Variants in SNTG1 observed in about 807,000 individuals in gnomAD.
SNTG1 encodes gamma-1-syntrophin.
SNTG1 carries 39 observed loss-of-function variants against 74.7 expected under a neutral mutation model. That is an observed-to-expected ratio of 0.52 (90% CI 0.40 to 0.68). The LOEUF is 0.68. Ranked by LOEUF, SNTG1 falls within the 30% of genes least tolerant of loss-of-function variation. The probability of loss-of-function intolerance (pLI) is 0.00; values close to 1 mark genes in which losing one functional copy is unlikely to be tolerated. For synonymous variants in SNTG1, 254 were observed against 217.1 expected, an observed-to-expected ratio of 1.17 and a Z score of -1.49; for missense variants, 685 against 609.5, an observed-to-expected ratio of 1.12 and a Z score of -1.30.
At chr8:50,316,474 G>A (rs1466821715) in intron 2 of SNTG1, among the ~76,000 whole-genome samples, 1 of 152,112 alleles carries the variant, frequency 6.6e-6, no homozygotes, top group East Asian at 1.9e-4. Flanking sequence ...AGTACTGCAA[G>A]TTATTGAAAC....
chr8:50,301,862 GTTTTT>G lies in SNTG1; in HGVS notation c.-27-92342_-27-92338del, dbSNP rs549672864. On this transcript the variant is annotated intron_variant, in intron 2 of 18. Transcript: ENST00000642720. ...TTTTTGTTTTCTGTTTTTGTTTTTT[GTTTTT>G]TTTTTTTGAGACAGAGTCTCGCTCT... 1.7e-4 allele frequency among the ~76,000 whole-genome samples: 18 copies of G among 105,164 alleles called. No individual in the cohort carries two copies. The East Asian group carries it at 6.6e-3, about 39-fold the overall frequency. The allele number at this position is 105,164 out of a possible 152,430, so 69.0% of individuals were successfully genotyped here. A position where few individuals can be genotyped will look rare whatever the true frequency, so the allele number is the denominator to read the frequency against.
intron 1 of SNTG1, among the ~76,000 whole-genome samples, chr8:49,960,221 A>G (rs1306177417): frequency 6.6e-6 from 1 of 152,212 alleles, no homozygotes; most frequent in Non-Finnish European, 1.5e-5. Context: ...GTGTGTATGC[A>G]GTGATTTGTT....
At chr8:50,019,134 T>C (rs1389694456) in intron 1 of SNTG1, among the ~76,000 whole-genome samples, 1 of 151,942 alleles carries the variant, frequency 6.6e-6, no homozygotes, top group Non-Finnish European at 1.5e-5. Flanking sequence ...ATGAGAAAGG[T>C]CCCAAAATTC....
chr8:50,734,748 TATAG>T (rs2095521873), intron 17 of SNTG1, among the ~76,000 whole-genome samples: 3 of 84,026 alleles, frequency 3.6e-5, no homozygotes, highest in Non-Finnish European at 6.6e-5. Flanking sequence ...TGGACATGTA[TATAG>T]ATATCTATAT....
intron 15 of SNTG1, among the ~76,000 whole-genome samples, chr8:50,691,190 G>C (rs906409497): frequency 3.3e-5 from 5 of 152,132 alleles, no homozygotes; most frequent in African/African-American, 9.7e-5. Context: ...GGTGGGTCTT[G>C]ACTCTTTATC....
intron 12 of SNTG1, among the ~76,000 whole-genome samples, chr8:50,589,535 T>C (rs1176170263): frequency 6.6e-6 from 1 of 152,002 alleles, no homozygotes; most frequent in Admixed American, 6.6e-5. Flanking sequence ...AAGTGTTTAC[T>C]TTCATAGCTG....
intron 1 of SNTG1, among the ~76,000 whole-genome samples, chr8:49,956,738 G>A (rs1001079530): frequency 2.6e-5 from 4 of 151,470 alleles, no homozygotes; most frequent in Non-Finnish European, 5.9e-5. Flanking sequence ...ACATATCCTG[G>A]ACCCACTGAT....
intron 1 of SNTG1, among the ~76,000 whole-genome samples, chr8:50,166,115 T>C (rs1321699687): frequency 5.0e-5 from 4 of 79,648 alleles, no homozygotes; most frequent in Non-Finnish European, 9.9e-5. Flanking sequence ...TATACAAAAA[T>C]CAATTCAAGA....
At chr8:50,402,391 T>G (rs752973695) in intron 4 of SNTG1, 47 bp downstream of exon 4, 1 of 1,553,646 alleles carries the variant, frequency 6.4e-7, no homozygotes, top group Non-Finnish European at 8.7e-7. Flanking sequence ...TTGTTTTTTG[T>G]TAATAAAAAT....
intron 1 of SNTG1, among the ~76,000 whole-genome samples, chr8:50,013,533 A>G (rs566196292): frequency 1.6e-3 from 243 of 151,942 alleles, no homozygotes; most frequent in African/African-American, 5.7e-3. Context: ...GCACATATAT[A>G]CATATATATA....
chr8:49,934,934 A>G (rs574298684), intron 1 of SNTG1, among the ~76,000 whole-genome samples: 12 of 152,244 alleles, frequency 7.9e-5, no homozygotes, highest in Admixed American at 7.9e-4. Flanking sequence ...TGTGAGGGAA[A>G]AATGTTAAAC....
intron 2 of SNTG1, among the ~76,000 whole-genome samples, chr8:50,356,820 T>C (rs1230166987): frequency 6.6e-6 from 1 of 152,172 alleles, no homozygotes; most frequent in Non-Finnish European, 1.5e-5. Context: ...TTTTTTAGTC[T>C]GATTCTTTAT....
intron 2 of SNTG1, among the ~76,000 whole-genome samples, chr8:50,297,225 G>A (rs2089427379): frequency 6.6e-6 from 1 of 152,136 alleles, no homozygotes; most frequent in Non-Finnish European, 1.5e-5. Context: ...ATGCCAGAAA[G>A]CATAGATAGT....
At chr8:49,926,891 C>T (rs554210577) in intron 1 of SNTG1, among the ~76,000 whole-genome samples, 4 of 152,050 alleles carry the variant, frequency 2.6e-5, no homozygotes, top group Non-Finnish European at 5.9e-5. Context: ...TCAAGCCCAA[C>T]AATAGGAAAA....
chr8:50,077,585 T>C (rs1822008283), intron 1 of SNTG1, among the ~76,000 whole-genome samples: 1 of 152,200 alleles, frequency 6.6e-6, no homozygotes, highest in Non-Finnish European at 1.5e-5. Flanking sequence ...CTATAATTTG[T>C]GTAAGATAAA....
rs374945656 is a variant in SNTG1, at chr8:50,368,050, G to A, written c.-27-26162G>A. ...AAAGGCAATTCTGGTAAGGGATCGG[G>A]AGGAAAAGAGGAGAGCTGTAGAGAG... On this transcript the variant is annotated intron_variant, in intron 2 of 18. Coordinates refer to ENST00000642720, the MANE Select transcript of SNTG1 (RefSeq NM_018967.5). Among the ~76,000 whole-genome samples, 3 of 152,250 alleles carry A rather than the reference G, an allele frequency of 2.0e-5. 1 individual carries two copies. Among genetic ancestry groups the A allele is most frequent in the African/African-American group, 7.2e-5 (3 of 41,554 alleles).
intron 2 of SNTG1, among the ~76,000 whole-genome samples, chr8:50,321,643 T>C (rs2090534441): frequency 6.6e-6 from 1 of 152,138 alleles, no homozygotes; most frequent in Non-Finnish European, 1.5e-5. Flanking sequence ...TGACTTTCTC[T>C]GGTAGCTTGA....
intron 8 of SNTG1, among the ~76,000 whole-genome samples, chr8:50,481,360 G>A (rs1025613597): frequency 4.6e-5 from 7 of 152,138 alleles, no homozygotes; most frequent in African/African-American, 1.4e-4. Flanking sequence ...CAGCATGGGC[G>A]ACAGAGTGAG....
rs370510173 is a variant in SNTG1, at chr8:50,704,603, A to G, written c.1042A>G (p.Ser348Gly). Residue 348 changes from serine (S) to glycine (G), a missense_variant, in exon 16 of 19, where the codon AGT becomes GGT. Physicochemically the swap from Ser to Gly is moderately conservative, Grantham distance 56. Transcript: ENST00000642720. ...YEIMCKILKD[S>G]DLLDRRKQCF... ...TGTAACTCCAGGTTTTCACCAGGAC[A>G]GTGACCTGCTGGACCGACGGAAACA... is the stretch of plus-strand genomic sequence containing the variant. The G allele has an allele frequency of 2.0e-5, 33 of 1,614,020 alleles. No homozygotes were observed. The highest frequency in any genetic ancestry group is 2.7e-5 in the African/African-American group (2 of 74,932).
Sources: gnomAD v4.1 joint callset for allele counts (sites outside exome capture counted in the v4.1 genomes callset) on GRCh38, gnomAD v4.1.1 for gene constraint, MANE v1.5 for transcripts, NCBI Gene and HGNC (gene_info 2026-07-23, HGNC 2026-07-21) for gene names.